The following MYLIP variants were observed in gnomAD, a reference collection of about 807,000 sequenced individuals.
The protein encoded by MYLIP is E3 ubiquitin-protein ligase MYLIP.
In MYLIP, 26 loss-of-function variants were observed where a neutral mutation model predicts 45.8. The observed-to-expected ratio is 0.57, with a 90% CI of 0.42 to 0.79. The LOEUF is 0.79. MYLIP is among the 30% of genes least tolerant of loss of function. MYLIP has a pLI of 0.00. For synonymous variants in MYLIP, 213 were observed against 218.1 expected (o/e 0.98, Z 0.21); for missense variants, 494 against 555.6 (o/e 0.89, Z 1.11).
Position 16,129,491 on chromosome 6 carries a change from GC to G in MYLIP, c.87+87del. On this transcript the variant is annotated intron_variant, in intron 1 of 6. Transcript: ENST00000356840. This position sits in a 1 kb window ranked among gnomAD's most constrained non-coding sequence, Gnocchi z 5.1. ...GCAGCGACGCCTGGCACTCTGGCGC[GC>G]CCCCTACTAGGGGCCGGGAGGCACT... is the stretch of plus-strand genomic sequence containing the variant. 2.9e-6 allele frequency: 4 copies of G among 1,392,234 alleles called. No individual in the cohort carries two copies. The highest frequency in any genetic ancestry group is 3.9e-6 in the Non-Finnish European group (4 of 1,015,700). 86.2% of individuals were successfully genotyped at this position (1,392,234 alleles called of 1,614,324 possible).
downstream of MYLIP, among the ~76,000 whole-genome samples, chr6:16,152,794 T>C (rs866318100): frequency 7.9e-5 from 12 of 152,108 alleles, no homozygotes; most frequent in African/African-American, 2.9e-4. Flanking sequence ...GAGAGGAGTC[T>C]TGGAAGGTGA....
At chr6:16,157,032 C>T in the MYLIP span, among the ~76,000 whole-genome samples, 2 of 152,352 alleles carry the variant, frequency 1.3e-5, no homozygotes, top group East Asian at 1.9e-4. Context: ...TTAACATCCA[C>T]ATGACTTTCC....
chr6:16,154,576 G>T, the MYLIP span, among the ~76,000 whole-genome samples: 1 of 152,164 alleles, frequency 6.6e-6, no homozygotes, highest in South Asian at 2.1e-4. Context: ...TGCTTCTGAG[G>T]GGCAGCCTTA....
chr6:16,163,505 TG>T, the MYLIP span: 3 of 152,346 alleles, frequency 2.0e-5, no homozygotes, highest in African/African-American at 7.2e-5. Context: ...TTAGACAACT[TG>T]TTGAGATTTT....
At chr6:16,135,613 T>A (rs994187624) in intron 2 of MYLIP, among the ~76,000 whole-genome samples, 9 of 152,026 alleles carry the variant, frequency 5.9e-5, no homozygotes, top group African/African-American at 2.2e-4. Flanking sequence ...GCTAGTTACT[T>A]GAATCCTTGA....
In MYLIP at chr6:16,141,761, A is replaced by G. The variant is rs1237073178; in HGVS notation, c.415A>G (p.Asn139Asp). 6 of 1,613,918 alleles carry G rather than the reference A, an allele frequency of 3.7e-6. No homozygotes were observed. The highest frequency in any genetic ancestry group is 5.1e-6 in the Non-Finnish European group (6 of 1,179,932). Residue 139 changes from asparagine to aspartate, a missense_variant, in exon 3 of 7, where the codon AAC becomes GAC. Transcript: ENST00000356840. ...GDYNQNTAKYNYEELCAKELS... is the reference protein window; with the variant it reads ...GDYNQNTAKYDYEELCAKELS... ...CTACAACCAGAACACTGCCAAGTATAACTATGAGGAGCTCTGTGCCAAGGA... is the reference window on the plus strand; with the variant it reads ...CTACAACCAGAACACTGCCAAGTATGACTATGAGGAGCTCTGTGCCAAGGA...
At chr6:16,158,183 C>A in the MYLIP span, among the ~76,000 whole-genome samples, 1 of 152,156 alleles carries the variant, frequency 6.6e-6, no homozygotes, top group Non-Finnish European at 1.5e-5. Context: ...AAGGGCTGAT[C>A]CTCTTAATTG....
At position 16,146,657 on chromosome 6, in the gene MYLIP, C is replaced by T. The variant is rs1468711163; in HGVS notation, c.1249-5C>T. The stretch of plus-strand genomic sequence containing the variant: ...TAACAGAGACTGTTGGCTTTTCTTT[C>T]CCAGTCATGTCCCGTCTGCAGGTCG... On this transcript the variant is annotated splice_polypyrimidine_tract_variant and splice_region_variant and intron_variant, in intron 6 of 6. Transcript: ENST00000356840. 6.2e-7 allele frequency: 1 copy of T among 1,605,094 alleles called. No homozygotes were observed. The highest frequency in any genetic ancestry group is 8.5e-7 in the Non-Finnish European group (1 of 1,174,436).
At chr6:16,158,757 C>A in the MYLIP span, among the ~76,000 whole-genome samples, 1 of 152,184 alleles carries the variant, frequency 6.6e-6, no homozygotes, top group Non-Finnish European at 1.5e-5. Context: ...GTAGTCCCAG[C>A]TACTCGGGAG....
the MYLIP span, chr6:16,160,806 ATTAAC>A: frequency 6.6e-6 from 1 of 152,230 alleles, no homozygotes; most frequent in Non-Finnish European, 1.5e-5. Context: ...AGAAAAAAAA[ATTAAC>A]TTAAAACATT....
chr6:16,132,472 C>T (rs1190306821), intron 2 of MYLIP, among the ~76,000 whole-genome samples: 1 of 152,090 alleles, frequency 6.6e-6, no homozygotes, highest in Non-Finnish European at 1.5e-5. Flanking sequence ...ATACCTAGTT[C>T]AACTAGGTAA....
At chr6:16,155,229 G>C in the MYLIP span, among the ~76,000 whole-genome samples, 1 of 152,090 alleles carries the variant, frequency 6.6e-6, no homozygotes, top group African/African-American at 2.4e-5. Context: ...ACACCCACCG[G>C]GAATCTGGCC....
chr6:16,145,303 G>C lies in MYLIP; in HGVS notation c.1234G>C (p.Ala412Pro). ...CCACACTGTGTGCTGTGAGAGCTGC[G>C]CCGCCCAGCTACAGGTAGGGGAGTC... ...CGHTVCCESC[A>P]AQLQSCPVCR... The change falls in exon 6 of 7, where the codon GCC becomes CCC. Residue 412 changes from alanine to proline, a missense_variant. Transcript: ENST00000356840. The C allele has an allele frequency of 1.3e-6, 2 of 1,590,186 alleles. No homozygotes were observed. The highest frequency in any genetic ancestry group is 1.7e-6 in the Non-Finnish European group (2 of 1,163,672).
chr6:16,137,430 A>G (rs1759578866), intron 2 of MYLIP, among the ~76,000 whole-genome samples: 1 of 152,234 alleles, frequency 6.6e-6, no homozygotes, highest in Admixed American at 6.5e-5. Flanking sequence ...ATACAATTCA[A>G]TTATTGGTAA....
chr6:16,130,407 C>A lies in MYLIP; in HGVS notation c.88-150C>A, dbSNP rs180810500. The A allele has an allele frequency of 1.9e-5, 13 of 696,432 alleles. No individual in the cohort carries two copies. In the Admixed American group the frequency reaches 3.1e-4, roughly 17 times the overall value. 43.1% of individuals were successfully genotyped at this position (696,432 alleles called of 1,614,324 possible). On this transcript the variant is annotated intron_variant, in intron 1 of 6. Transcript: ENST00000356840. ...AGCTCGTGGTTTGGTATCATTGGAG[C>A]CGTGGAACTTTGTTTTTCCAGTTTA...
intron 5 of MYLIP, among the ~76,000 whole-genome samples, chr6:16,144,232 T>G (rs1034743757): frequency 1.3e-5 from 2 of 152,144 alleles, no homozygotes; most frequent in African/African-American, 4.8e-5. Flanking sequence ...AGGATAATTA[T>G]TTACTTAGTC....
At chr6:16,135,765 A>ATATATATATATATATATATGTATGC (rs1759541777) in intron 2 of MYLIP, among the ~76,000 whole-genome samples, 1 of 146,002 alleles carries the variant, frequency 6.8e-6, no homozygotes, top group Admixed American at 6.9e-5. Flanking sequence ...CTATATATAT[A>ATATATATATATATATATATGTATGC]TATATATATA....
the MYLIP span, among the ~76,000 whole-genome samples, chr6:16,154,585 T>C: frequency 6.6e-6 from 1 of 152,176 alleles, no homozygotes; most frequent in Non-Finnish European, 1.5e-5. Flanking sequence ...GGGGCAGCCT[T>C]ACACATGGCC....
Position 16,141,704 on chromosome 6 carries a change from A to G in MYLIP, c.358A>G (p.Ser120Gly), listed in dbSNP as rs757402245. 9.9e-6 allele frequency: 16 copies of G among 1,614,060 alleles called. No homozygotes were observed. Among genetic ancestry groups the G allele is most frequent in the Non-Finnish European group, 1.4e-5 (16 of 1,180,028 alleles). The change falls in exon 3 of 7, where the codon AGT becomes GGT. Residue 120 changes from serine (S) to glycine (G), a missense_variant. Ser to Gly is a moderately conservative substitution (Grantham distance 56). Transcript: ENST00000356840. ...TTCCCCAGAGCAGGCAGTGGAACTCAGTGCCCTCCTGGCCCAGACCAAGTT... is the reference window on the plus strand; with the variant it reads ...TTCCCCAGAGCAGGCAGTGGAACTCGGTGCCCTCCTGGCCCAGACCAAGTT... ...LCSPEQAVEL[S>G]ALLAQTKFGD...
Sources: gnomAD v4.1 joint callset for allele counts (sites outside exome capture counted in the v4.1 genomes callset) on GRCh38, gnomAD v4.1.1 for gene constraint, Gnocchi (gnomAD v3.1) non-coding constraint, MANE v1.5 for transcripts, NCBI Gene and HGNC (gene_info 2026-07-23, HGNC 2026-07-21) for gene names.